WIZ: variants seen among roughly 807,000 people sequenced by gnomAD.
WIZ encodes WIZ zinc finger.
A neutral mutation model predicts 140.2 loss-of-function variants in WIZ; 25 were observed. The observed-to-expected ratio is 0.18, with a 90% confidence interval of 0.13 to 0.25. WIZ has a LOEUF of 0.25. Ranked by LOEUF, WIZ falls within the 10% of genes least tolerant of loss-of-function variation. The probability of loss-of-function intolerance (pLI) is 1.00; values close to 1 mark genes in which losing one functional copy is unlikely to be tolerated. For synonymous variants in WIZ, 1,125 were observed against 1,154.3 expected (o/e 0.97, Z 0.51); for missense variants, 2,231 against 2,632.6 (o/e 0.85, Z 3.34).
rs1568281894 is a variant in WIZ at position 15,422,934 on chromosome 19, T to C, written c.*142A>G. 1.6e-6 allele frequency: 2 copies of C among 1,284,662 alleles called. No individual in the cohort carries two copies. Among genetic ancestry groups the C allele is most frequent in the East Asian group, 5.1e-5 (2 of 39,100 alleles). 79.6% of individuals were successfully genotyped at this position (1,284,662 alleles called of 1,614,324 possible). A position where few individuals can be genotyped will look rare whatever the true frequency, so the allele number is the denominator to read the frequency against. On this transcript the variant is annotated 3_prime_UTR_variant, in exon 13 of 13. Transcript: ENST00000673675. ...GGCTCCCGGCGCCCTGGCTGTAGTGTGCCCGGCCCCCAAGGGGCGCCGGTT... is the reference window on the plus strand; with the variant it reads ...GGCTCCCGGCGCCCTGGCTGTAGTGCGCCCGGCCCCCAAGGGGCGCCGGTT...
At chr19:15,435,121 G>A (rs1969473093) in intron 5 of WIZ, among the ~76,000 whole-genome samples, 2 of 152,042 alleles carry the variant, frequency 1.3e-5, no homozygotes, top group South Asian at 4.1e-4. Context: ...AGGAGTCTGA[G>A]GCAGGAGAAT....
In WIZ at chr19:15,424,070, G is replaced by C. The variant is rs1454572297; in HGVS notation, c.5510+113C>G. On this transcript the variant is annotated intron_variant, in intron 12 of 12. Transcript: ENST00000673675. This position sits in a 1 kb window ranked among gnomAD's most constrained non-coding sequence, Gnocchi z 9.7. ...AGCCTGAGCCCCACCACACCCAAGG[G>C]CAGCCACTGAGGCGACACCTCCCAG... is the stretch of plus-strand genomic sequence containing the variant. 1.0e-6 allele frequency: 1 copy of C among 1,003,980 alleles called. No individual in the cohort carries two copies. The allele number at this position is 1,003,980 out of a possible 1,614,324, so 62.2% of individuals were successfully genotyped here. A position where few individuals can be genotyped will look rare whatever the true frequency, so the allele number is the denominator to read the frequency against.
In WIZ at chr19:15,424,629, C is replaced by T. The variant is rs758617641; in HGVS notation, c.5298G>A (p.Gln1766=). ...AGCACTCACTGTTGATGTTCTGCCGCTGGTGCTCCTCAGCCTTCACGGTGC... is the reference window on the plus strand; with the variant it reads ...AGCACTCACTGTTGATGTTCTGCCGTTGGTGCTCCTCAGCCTTCACGGTGC... ...PPGTVKAEEH[Q]RQNINKFERR... Residue 1766 remains glutamine (Q), a synonymous_variant, in exon 11 of 13, where the codon CAG becomes CAA. Transcript: ENST00000673675. The surrounding 1 kb of genome is among the most constrained non-coding windows in gnomAD (Gnocchi z 9.7). 6.3e-7 allele frequency: 1 copy of T among 1,592,734 alleles called. No homozygotes were observed. The highest frequency in any genetic ancestry group is 1.1e-5 in the South Asian group (1 of 90,226).
rs1328309803 is a variant in WIZ, at chr19:15,424,635, C to T, written c.5292G>A (p.Glu1764=). Residue 1764 remains glutamate (E), a synonymous_variant, in exon 11 of 13, where the codon GAG becomes GAA. Transcript: ENST00000673675. The surrounding 1 kb of genome is among the most constrained non-coding windows in gnomAD (Gnocchi z 9.7). ...ASPPGTVKAE[E]HQRQNINKFE... ...CACTGTTGATGTTCTGCCGCTGGTG[C>T]TCCTCAGCCTTCACGGTGCCTGGCG... The T allele has an allele frequency of 6.3e-7, 1 of 1,593,010 alleles. No homozygotes were observed. The highest frequency in any genetic ancestry group is 1.7e-5 in the Admixed American group (1 of 59,430).
rs1324713196 is a variant in WIZ, at chr19:15,438,638, A to T, written c.2356T>A (p.Ser786Thr). 1 of 1,534,728 alleles carries T rather than the reference A, an allele frequency of 6.5e-7. No homozygotes were observed. The highest frequency in any genetic ancestry group is 2.4e-5 in the East Asian group (1 of 40,850). ...GVSYNVRHFI[S>T]AEEVKAIERR... ...TCAATGGCCTTCACCTCCTCAGCGGAGATGAAATGGCGCACATTGTAGCTG... is the reference window on the plus strand; with the variant it reads ...TCAATGGCCTTCACCTCCTCAGCGGTGATGAAATGGCGCACATTGTAGCTG... The change falls in exon 4 of 13, where the codon TCC becomes ACC. Residue 786 changes from serine (S) to threonine (T), a missense_variant. This residue lies in a region of WIZ where 118 missense variants were observed against 209.1 expected (regional missense o/e 0.56). Transcript: ENST00000673675.
chr19:15,440,262 C>T lies in WIZ; in HGVS notation c.732G>A (p.Glu244=). The T allele has an allele frequency of 6.7e-7, 1 of 1,489,496 alleles. No individual in the cohort carries two copies. The highest frequency in any genetic ancestry group is 1.3e-5 in the South Asian group (1 of 76,822). The allele number at this position is 1,489,496 out of a possible 1,614,324, so 92.3% of individuals were successfully genotyped here. ...CCCACTCGGACGGCTGGGCCAGCCC[C>T]TCCAGGTCCTCCAGATCTTCTCTGC... ...VGGREDLEDL[E]GLAQPSEWGL... The change falls in exon 4 of 13, where the codon GAG becomes GAA. Residue 244 remains glutamate (E), a synonymous_variant. Coordinates refer to ENST00000673675, the MANE Select transcript of WIZ (RefSeq NM_001371589.1). This position sits in a 1 kb window ranked among gnomAD's most constrained non-coding sequence, Gnocchi z 6.2.
chr19:15,429,922 C>G lies in WIZ; in HGVS notation c.3079G>C (p.Asp1027His), dbSNP rs1419084134. The G allele has an allele frequency of 3.3e-6, 5 of 1,535,882 alleles. No homozygotes were observed. In the Admixed American group the frequency reaches 9.8e-5, roughly 30 times the overall value. ...CCTGGGGGCAGCCCAAGGTGGGCGT[C>G]AGGCAGACCCTTCTGCTTCACAAGC... Reference protein sequence around the residue: ...YELVKQKGLPDAHLGLPPGLA... With the variant: ...YELVKQKGLPHAHLGLPPGLA... The change falls in exon 7 of 13, where the codon GAC becomes CAC. Residue 1027 changes from aspartate (D) to histidine (H), a missense_variant. By Grantham distance (81) the Asp-to-His change is moderately conservative (BLOSUM62 -1). Coordinates refer to ENST00000673675, the MANE Select transcript of WIZ (RefSeq NM_001371589.1).
chr19:15,446,379 C>T (rs940704842), intron 2 of WIZ, among the ~76,000 whole-genome samples: 40 of 152,310 alleles, frequency 2.6e-4, no homozygotes, highest in Middle Eastern at 3.4e-3. Flanking sequence ...TCAAAGTCCC[C>T]GCCCAGCCCT....
At position 15,440,414 on chromosome 19, in the gene WIZ, C is replaced by T. The variant is rs1178649702; in HGVS notation, c.580G>A (p.Gly194Arg). Residue 194 changes from glycine (G) to arginine (R), a missense_variant, in exon 4 of 13, where the codon GGA (glycine) becomes AGA (arginine). Gly to Arg is a moderately radical substitution (Grantham distance 125). Around this residue, in one of 15 missense-constraint regions of WIZ, gnomAD observed 307 missense variants for 294.1 expected, o/e 1.04. Transcript: ENST00000673675. The surrounding 1 kb of genome is among the most constrained non-coding windows in gnomAD (Gnocchi z 6.2). ...FDWLQDEDEQ[G>R]SPQDAGLHLD... ...TGCAGCCCTGCGTCCTGGGGGGATCCCTGCTCGTCCTCATCTTGGAGCCAG... is the reference window on the plus strand; with the variant it reads ...TGCAGCCCTGCGTCCTGGGGGGATCTCTGCTCGTCCTCATCTTGGAGCCAG... The T allele has an allele frequency of 2.6e-6, 4 of 1,535,746 alleles. No homozygotes were observed. The highest frequency in any genetic ancestry group is 3.5e-6 in the Non-Finnish European group (4 of 1,146,752).
At position 15,436,517 on chromosome 19, in the gene WIZ, A is replaced by C. The variant is rs1969520166; in HGVS notation, c.2740+289T>G. 3 of 395,782 alleles carry C rather than the reference A, an allele frequency of 7.6e-6. No homozygotes were observed. In the South Asian group the frequency reaches 1.2e-4, roughly 16 times the overall value. 24.5% of individuals were successfully genotyped at this position (395,782 alleles called of 1,614,324 possible). On this transcript the variant is annotated intron_variant, in intron 5 of 12. Transcript: ENST00000673675. The stretch of plus-strand genomic sequence containing the variant: ...ATGAGTTCATGTTTGTAAAGTGCTT[A>C]GAACGATGCCTGGCTCCCAGTAAAA...
Position 15,424,024 on chromosome 19 carries a change from A to G in WIZ, c.5510+159T>C, listed in dbSNP as rs983547346. On this transcript the variant is annotated intron_variant, in intron 12 of 12. Coordinates refer to ENST00000673675, the MANE Select transcript of WIZ (RefSeq NM_001371589.1). This position sits in a 1 kb window ranked among gnomAD's most constrained non-coding sequence, Gnocchi z 9.7. ...TTGAACCCAGGTCTCGCAGGCTACA[A>G]AGCTCAGGGTGTCAGCCTTTAGCCT... 144 of 616,402 alleles carry G rather than the reference A, an allele frequency of 2.3e-4. No individual in the cohort carries two copies. The highest frequency in any genetic ancestry group is 4.8e-4 in the South Asian group (16 of 33,052). 38.2% of individuals were successfully genotyped at this position (616,402 alleles called of 1,614,324 possible). A position where few individuals can be genotyped will look rare whatever the true frequency, so the allele number is the denominator to read the frequency against.
intron 1 of WIZ, among the ~76,000 whole-genome samples, chr19:15,449,141 G>C (rs993121238): frequency 1.3e-5 from 2 of 152,188 alleles, no homozygotes; most frequent in Non-Finnish European, 2.9e-5. Context: ...TGGGGAGCGG[G>C]GGTTGTCCTC....
At chr19:15,434,969 C>T (rs1280453013) in intron 5 of WIZ, among the ~76,000 whole-genome samples, 1 of 152,212 alleles carries the variant, frequency 6.6e-6, no homozygotes, top group Non-Finnish European at 1.5e-5. Context: ...TGGCTCACAC[C>T]TGTAATCCCA....
chr19:15,448,396 G>A, intron 1 of WIZ, 29 bp from the exon 2 acceptor site: 1 of 1,499,316 alleles, frequency 6.7e-7, no homozygotes, highest in South Asian at 1.2e-5. Context: ...AAGTGCTTAG[G>A]GGATGGAGGA....
At chr19:15,423,298 T>C in intron 12 of WIZ, 63 bp from the exon 13 acceptor site, 1 of 1,573,032 alleles carries the variant, frequency 6.4e-7, no homozygotes, top group South Asian at 1.2e-5. Context: ...AGCATAGCCT[T>C]GCCAGCATCC....
rs565844025 is a variant in WIZ at position 15,442,312 on chromosome 19, T to G, written c.278+364A>C. Among the ~76,000 whole-genome samples the G allele has an allele frequency of 1.3e-5, 2 of 152,304 alleles. No individual in the cohort carries two copies. Among genetic ancestry groups the G allele is most frequent in the Admixed American group, 6.5e-5 (1 of 15,306 alleles). ...ATGCCCCTTGGATCCTCAAGGCGAA[T>G]TCATGAGATGCATCTTATGGACTCC... On this transcript the variant is annotated intron_variant, in intron 3 of 12. Transcript: ENST00000673675. This position sits in a 1 kb window ranked among gnomAD's most constrained non-coding sequence, Gnocchi z 5.5.
In WIZ at chr19:15,439,788, C is replaced by T. The variant is rs1176690513; in HGVS notation, c.1206G>A (p.Gln402=). 9 of 1,507,170 alleles carry T rather than the reference C, an allele frequency of 6.0e-6. No individual in the cohort carries two copies. Among genetic ancestry groups the T allele is most frequent in the Non-Finnish European group, 7.9e-6 (9 of 1,133,488 alleles). 93.4% of individuals were successfully genotyped at this position (1,507,170 alleles called of 1,614,324 possible). A position where few individuals can be genotyped will look rare whatever the true frequency, so the allele number is the denominator to read the frequency against. Residue 402 remains glutamine, a synonymous_variant, in exon 4 of 13, where the codon CAG becomes CAA. Transcript: ENST00000673675. The surrounding 1 kb of genome is among the most constrained non-coding windows in gnomAD (Gnocchi z 7.0). Reference sequence around the variant, plus strand: ...TGGTGCCAAAGACACACTTAGGGCACTGCAGCCGTGCCTCCCGGCCCTCGT... The same window carrying T: ...TGGTGCCAAAGACACACTTAGGGCATTGCAGCCGTGCCTCCCGGCCCTCGT... ...PGDEGREARL[Q]CPKCVFGTNS... is the part of the protein sequence containing the mutation.
intron 5 of WIZ, 26 bp downstream of exon 5, chr19:15,436,780 C>T: frequency 6.5e-6 from 10 of 1,532,950 alleles, no homozygotes; most frequent in Non-Finnish European, 8.7e-6. Flanking sequence ...GATGGGGCTC[C>T]AGCACAGCCC....
At chr19:15,432,477 G>T in intron 5 of WIZ, 1 of 981,858 alleles carries the variant, frequency 1.0e-6, no homozygotes, top group Non-Finnish European at 1.2e-6. Flanking sequence ...GCTCCGGCTC[G>T]GCCTTGGGCC....
Sources: allele counts gnomAD v4.1 joint callset (sites outside exome capture counted in the v4.1 genomes callset), GRCh38; gene constraint gnomAD v4.1.1; regional missense constraint gnomAD v4.1.1; non-coding constraint Gnocchi (gnomAD v3.1); transcripts MANE v1.5; gene names NCBI Gene and HGNC (gene_info 2026-07-23, HGNC 2026-07-21).